Variants in CERS1 observed in about 807,000 individuals in gnomAD.
CERS1 encodes the protein ceramide synthase 1.
A neutral mutation model predicts 35.7 loss-of-function variants in CERS1; 16 were observed. The observed-to-expected ratio is 0.45, with a 90% confidence interval of 0.30 to 0.68. The LOEUF (loss-of-function observed/expected upper bound fraction) is 0.68. Among genes scored for constraint, CERS1 ranks in the 30% least tolerant of loss-of-function variants. The pLI, the probability that CERS1 is intolerant of heterozygous loss-of-function variation, is 0.08. For synonymous variants in CERS1, 243 were observed against 201.6 expected (o/e 1.21, Z -1.74); for missense variants, 454 against 453.9 (o/e 1.00, Z 0.00).
intron 4 of CERS1, among the ~76,000 whole-genome samples, 164 bp from the exon 5 acceptor site, chr19:18,879,552 C>T (rs968892776): frequency 2.0e-5 from 3 of 151,328 alleles, no homozygotes; most frequent in African/African-American, 7.3e-5. Context: ...CCCTGCCATG[C>T]CCCGCCCACC....
Position 18,878,145 on chromosome 19 carries a change from C to T in CERS1, c.1010+785G>A. The stretch of plus-strand genomic sequence containing the variant: ...CACCGATGGCCCCCACCGGCCAAAT[C>T]AGAGGGCCTGGCTGGTCGGCACCTT... On this transcript the variant is annotated intron_variant, in intron 6 of 7. Coordinates refer to ENST00000623882, the MANE Select transcript of CERS1 (RefSeq NM_021267.5). The surrounding 1 kb of genome is among the most constrained non-coding windows in gnomAD (Gnocchi z 4.6). 1.0e-6 allele frequency: 1 copy of T among 985,550 alleles called. No individual in the cohort carries two copies. Among genetic ancestry groups the T allele is most frequent in the Non-Finnish European group, 1.2e-6 (1 of 830,030 alleles). 61.1% of individuals were successfully genotyped at this position (985,550 alleles called of 1,614,324 possible). A position where few individuals can be genotyped will look rare whatever the true frequency, so the allele number is the denominator to read the frequency against.
Position 18,871,243 on chromosome 19 carries a change from T to C in CERS1, c.1011-624A>G, listed in dbSNP as rs1046632446. ...CAGCAATTTTTTTTTTTTTTTTTTT[T>C]TGAGACAGAATCTTGCTCTGTTGCC... On this transcript the variant is annotated intron_variant, in intron 6 of 7. Transcript: ENST00000623882. Among the ~76,000 whole-genome samples, 8 of 90,412 alleles carry C rather than the reference T, an allele frequency of 8.8e-5. No individual in the cohort carries two copies. The Admixed American group carries it at 9.4e-4, about 11-fold the overall frequency. The allele number at this position is 90,412 out of a possible 152,430, so 59.3% of individuals were successfully genotyped here.
At chr19:18,893,024 C>G (rs1362548285) in intron 2 of CERS1, among the ~76,000 whole-genome samples, 2 of 151,892 alleles carry the variant, frequency 1.3e-5, no homozygotes, top group Non-Finnish European at 2.9e-5. Context: ...TCAAGCGATT[C>G]TCCTGCCTCA....
chr19:18,895,708 C>T lies in CERS1; in HGVS notation c.249+116G>A, dbSNP rs1178320714. 20 of 472,822 alleles carry T rather than the reference C, an allele frequency of 4.2e-5. No homozygotes were observed. In the East Asian group the frequency reaches 4.9e-4, roughly 12 times the overall value. The allele number at this position is 472,822 out of a possible 1,614,324, so 29.3% of individuals were successfully genotyped here. A position where few individuals can be genotyped will look rare whatever the true frequency, so the allele number is the denominator to read the frequency against. On this transcript the variant is annotated intron_variant, in intron 1 of 7. Transcript: ENST00000623882. This position sits in a 1 kb window ranked among gnomAD's most constrained non-coding sequence, Gnocchi z 6.4. ...AGGCCCCCACCCACGTTCCGGCGAC[C>T]CCTTCATCCGCAGCAGCCAGCGCTG...
At position 18,868,731 on chromosome 19, in the gene CERS1, G is replaced by A. The variant is rs760908706; in HGVS notation, c.*1254C>T. On this transcript the variant is annotated 3_prime_UTR_variant, in exon 8 of 8. Coordinates refer to ENST00000623882, the MANE Select transcript of CERS1 (RefSeq NM_021267.5). ...CAGCAGGGCAGGTCGGCGGCTCCCGGGGCGGCCGCGTGCATGAGCGCGCGC... is the reference window on the plus strand; with the variant it reads ...CAGCAGGGCAGGTCGGCGGCTCCCGAGGCGGCCGCGTGCATGAGCGCGCGC... The A allele has an allele frequency of 8.1e-5, 125 of 1,534,320 alleles. No individual in the cohort carries two copies. Among genetic ancestry groups the A allele is most frequent in the East Asian group, 6.8e-4 (27 of 39,774 alleles).
In CERS1 at chr19:18,875,234, T is replaced by TA. The variant is rs869211539; in HGVS notation, c.1010+3695dup. On this transcript the variant is annotated intron_variant, in intron 6 of 7. Coordinates refer to ENST00000623882, the MANE Select transcript of CERS1 (RefSeq NM_021267.5). The stretch of plus-strand genomic sequence containing the variant: ...GTGGGCGACAGAGTGGGACCGTCTC[T>TA]AAAAAAAAAAAAAAAGAAAGAAAGA... 8.4e-3 allele frequency among the ~76,000 whole-genome samples: 1,031 copies of TA among 122,200 alleles called. 8 individuals are homozygous for TA. Among genetic ancestry groups the TA allele is most frequent in the Admixed American group, 0.039 (453 of 11,662 alleles). 80.2% of individuals were successfully genotyped at this position (122,200 alleles called of 152,430 possible). A position where few individuals can be genotyped will look rare whatever the true frequency, so the allele number is the denominator to read the frequency against.
chr19:18,896,955 AC>A (rs1321832839), upstream of CERS1, among the ~76,000 whole-genome samples: 4 of 151,904 alleles, frequency 2.6e-5, no homozygotes. The surrounding 1 kb of genome is among the most constrained non-coding windows in gnomAD (Gnocchi z 5.9). Flanking sequence ...TCAGGTTAAT[AC>A]ATGAGTTGCA....
chr19:18,895,815 C>A lies in CERS1; in HGVS notation c.249+9G>T. The A allele has an allele frequency of 8.0e-7, 1 of 1,251,814 alleles. No individual in the cohort carries two copies. Among genetic ancestry groups the A allele is most frequent in the Non-Finnish European group, 1.0e-6 (1 of 993,264 alleles). The allele number at this position is 1,251,814 out of a possible 1,614,324, so 77.5% of individuals were successfully genotyped here. On this transcript the variant is annotated intron_variant, in intron 1 of 7. Transcript: ENST00000623882. The surrounding 1 kb of genome is among the most constrained non-coding windows in gnomAD (Gnocchi z 6.4). ...GGGTCCCCTCGTCCCGGCCCCCGGCCACACTGACCCGAAAGAGGCGCGCAG... is the reference window on the plus strand; with the variant it reads ...GGGTCCCCTCGTCCCGGCCCCCGGCAACACTGACCCGAAAGAGGCGCGCAG...
At position 18,879,341 on chromosome 19, in the gene CERS1, G is replaced by C. The variant is rs1177475505; in HGVS notation, c.800C>G (p.Thr267Ser). Residue 267 changes from threonine (T) to serine (S), a missense_variant, in exon 5 of 8, where the codon ACC becomes AGC. Thr to Ser is a moderately conservative substitution (Grantham distance 58). Coordinates refer to ENST00000623882, the MANE Select transcript of CERS1 (RefSeq NM_021267.5). Reference sequence around the variant, plus strand: ...CACCGTGCGCAGACTGCAGTGACTGGTGGCATACAGGACCTTGAGCGGGAA... The same window carrying C: ...CACCGTGCGCAGACTGCAGTGACTGCTGGCATACAGGACCTTGAGCGGGAA... ...YWFPLKVLYA[T>S]SHCSLRTVPD... 1.2e-6 allele frequency: 2 copies of C among 1,601,450 alleles called. No homozygotes were observed. The highest frequency in any genetic ancestry group is 1.7e-6 in the Non-Finnish European group (2 of 1,174,344).
rs1037615854 is a variant in CERS1 at position 18,895,285 on chromosome 19, A to T, written c.249+539T>A. 1.8e-4 allele frequency among the ~76,000 whole-genome samples: 28 copies of T among 152,080 alleles called. No individual in the cohort carries two copies. Among genetic ancestry groups the T allele is most frequent in the African/African-American group, 4.8e-4 (20 of 41,398 alleles). On this transcript the variant is annotated intron_variant, in intron 1 of 7. Coordinates refer to ENST00000623882, the MANE Select transcript of CERS1 (RefSeq NM_021267.5). This position sits in a 1 kb window ranked among gnomAD's most constrained non-coding sequence, Gnocchi z 6.4. ...GCAAGCCGGCCCCGCCGCCGCACGG[A>T]CCCAGCAGAAAACGGGCAGCGGACC... is the stretch of plus-strand genomic sequence containing the variant.
At chr19:18,869,795 T>C (rs2145988372) in intron 7 of CERS1, among the ~76,000 whole-genome samples, 188 bp downstream of exon 7, 1 of 152,174 alleles carries the variant, frequency 6.6e-6, no homozygotes, top group South Asian at 2.1e-4. Flanking sequence ...GGGAACCCCC[T>C]GACATGTGTC....
chr19:18,869,022 C>T lies in CERS1; in HGVS notation c.*963G>A. ...AGGGTCACCAGCAGCAGCGAGGCCT[C>T]GGCCAGGCGCGCGCAGGCGGCAGGG... On this transcript the variant is annotated 3_prime_UTR_variant, in exon 8 of 8. Coordinates refer to ENST00000623882, the MANE Select transcript of CERS1 (RefSeq NM_021267.5). 9.2e-7 allele frequency: 1 copy of T among 1,081,954 alleles called. No individual in the cohort carries two copies. Among genetic ancestry groups the T allele is most frequent in the Non-Finnish European group, 1.1e-6 (1 of 893,102 alleles). 67.0% of individuals were successfully genotyped at this position (1,081,954 alleles called of 1,614,324 possible).
rs751015517 is a variant in CERS1 at position 18,870,127 on chromosome 19, C to T, written c.*450G>A. ...CGGCGTCGAAACAGGCGCCACATGA[C>T]CGGGGGAACCGGCCGGAGCCTGGGG... On this transcript the variant is annotated 3_prime_UTR_variant, in exon 7 of 8. Transcript: ENST00000623882. The surrounding 1 kb of genome is among the most constrained non-coding windows in gnomAD (Gnocchi z 5.1). 1 of 1,566,032 alleles carries T rather than the reference C, an allele frequency of 6.4e-7. No homozygotes were observed. The highest frequency in any genetic ancestry group is 1.2e-5 in the South Asian group (1 of 86,220).
intron 4 of CERS1, among the ~76,000 whole-genome samples, chr19:18,879,641 T>TCCTCCCCTTCCCAGTC (rs2056148962): frequency 4.9e-5 from 1 of 20,546 alleles, no homozygotes; most frequent in East Asian, 1.3e-3. Context: ...AGGCCCCACC[T>TCCTCCCCTTCCCAGTC]CCTCCCCTTC....
intron 6 of CERS1, among the ~76,000 whole-genome samples, chr19:18,877,109 G>A (rs970073392): frequency 3.3e-5 from 5 of 152,294 alleles, no homozygotes; most frequent in Admixed American, 6.5e-5. Context: ...TTGGAGAATC[G>A]AATTCTGCTG....
chr19:18,874,416 G>T (rs1358695211), intron 6 of CERS1, among the ~76,000 whole-genome samples: 2 of 152,200 alleles, frequency 1.3e-5, no homozygotes, highest in Non-Finnish European at 2.9e-5. Flanking sequence ...CCATCCTCCA[G>T]CCTCGGCCTC....
chr19:18,884,599 G>A (rs2056303995), intron 2 of CERS1, among the ~76,000 whole-genome samples: 1 of 151,738 alleles, frequency 6.6e-6, no homozygotes, highest in African/African-American at 2.4e-5. Context: ...AGTAGAGACG[G>A]GGTTTCACTG....
Position 18,870,728 on chromosome 19 carries a change from GC to G in CERS1, c.1011-110del, listed in dbSNP as rs2055953737. The G allele has an allele frequency of 2.2e-6, 1 of 457,052 alleles. No homozygotes were observed. Among genetic ancestry groups the G allele is most frequent in the African/African-American group, 2.1e-5 (1 of 48,778 alleles). The allele number at this position is 457,052 out of a possible 1,614,324, so 28.3% of individuals were successfully genotyped here. On this transcript the variant is annotated intron_variant, in intron 6 of 7. Coordinates refer to ENST00000623882, the MANE Select transcript of CERS1 (RefSeq NM_021267.5). This position sits in a 1 kb window ranked among gnomAD's most constrained non-coding sequence, Gnocchi z 5.1. ...CACACCCCCTGGCTCCTTTTACCCG[GC>G]CAGGCCCGGGCCTCGCCTTGTGGCT...
At chr19:18,872,426 C>T (rs1280437370) in intron 6 of CERS1, among the ~76,000 whole-genome samples, 1 of 152,176 alleles carries the variant, frequency 6.6e-6, no homozygotes, top group Non-Finnish European at 1.5e-5. Flanking sequence ...TGGCTCACTG[C>T]AACCTCTGCC....
Sources: allele counts gnomAD v4.1 joint callset (sites outside exome capture counted in the v4.1 genomes callset), GRCh38; gene constraint gnomAD v4.1.1; non-coding constraint Gnocchi (gnomAD v3.1); transcripts MANE v1.5; gene names NCBI Gene and HGNC (gene_info 2026-07-23, HGNC 2026-07-21).